The following KLRB1 variants were observed in gnomAD, a reference collection of about 807,000 sequenced individuals.
KLRB1 encodes killer cell lectin-like receptor subfamily B member 1.
Under a neutral mutation model 33.5 loss-of-function variants are expected in KLRB1, and 27 were observed. That is an observed-to-expected ratio of 0.81 (90% CI 0.59 to 1.11). The LOEUF (loss-of-function observed/expected upper bound fraction) is 1.11, where lower values mean the gene tolerates loss of function less well. KLRB1 is among the 50% of genes most tolerant of loss of function. KLRB1 has a pLI of 0.00. For missense variants in KLRB1, 241 were observed against 254.1 expected, an observed-to-expected ratio of 0.95 and a Z score of 0.35; for synonymous variants, 64 against 88.9, an observed-to-expected ratio of 0.72 and a Z score of 1.58.
rs746355257 is a variant in KLRB1 at position 9,599,701 on chromosome 12, A to G, written c.259+66T>C. ...ATATGGATTGTTATGAATTGTGCCT[A>G]AGGTAACACATGAAATCTACCAAAT... On this transcript the variant is annotated intron_variant, in intron 3 of 5. Coordinates refer to ENST00000229402, the MANE Select transcript of KLRB1 (RefSeq NM_002258.3). 1.9e-5 allele frequency: 18 copies of G among 953,742 alleles called. No homozygotes were observed. In the East Asian group the frequency reaches 4.3e-4, roughly 23 times the overall value. 59.1% of individuals were successfully genotyped at this position (953,742 alleles called of 1,614,324 possible).
intron 1 of KLRB1, among the ~76,000 whole-genome samples, chr12:9,603,792 T>G (rs971453482): frequency 5.3e-5 from 8 of 152,076 alleles, no homozygotes; most frequent in African/African-American, 1.9e-4. Flanking sequence ...TAACATTGAT[T>G]AAGAACAGTC....
At chr12:9,607,682 A>G in intron 1 of KLRB1, 73 bp downstream of exon 1, 1 of 997,618 alleles carries the variant, frequency 1.0e-6, no homozygotes, top group Non-Finnish European at 1.6e-6. Flanking sequence ...AATGATTTAA[A>G]GCCATAAATG....
At position 9,607,374 on chromosome 12, in the gene KLRB1, T is replaced by TCTC. The variant is rs1864628366; in HGVS notation, c.85+380_85+381insGAG. On this transcript the variant is annotated intron_variant, in intron 1 of 5. Transcript: ENST00000229402. Reference sequence around the variant, plus strand: ...TTTCTTCCTTTCTTTCTTTCTTTCTTTCTTTCTTTCTTTCTTTCTTTCTTT... The same window carrying TCTC: ...TTTCTTCCTTTCTTTCTTTCTTTCTTCTCTCTTTCTTTCTTTCTTTCTTTCTTT... Among the ~76,000 whole-genome samples, 78 of 94,238 alleles carry TCTC rather than the reference T, an allele frequency of 8.3e-4. 1 individual carries two copies. The highest frequency in any genetic ancestry group is 1.5e-3 in the Non-Finnish European group (65 of 43,332). The allele number at this position is 94,238 out of a possible 152,430, so 61.8% of individuals were successfully genotyped here.
rs916146792 is a variant in KLRB1, at chr12:9,601,391, C to T, written c.184+110G>A. On this transcript the variant is annotated intron_variant, in intron 2 of 5. Transcript: ENST00000229402. ...TTTCCAAATCTCTCGTCCCACCTTACGAGAAACACCCACAGGTGTGTAGGG... is the reference window on the plus strand; with the variant it reads ...TTTCCAAATCTCTCGTCCCACCTTATGAGAAACACCCACAGGTGTGTAGGG... 2.6e-5 allele frequency: 18 copies of T among 695,220 alleles called. 1 individual carries two copies. The highest frequency in any genetic ancestry group is 2.0e-4 in the South Asian group (12 of 59,848). 43.1% of individuals were successfully genotyped at this position (695,220 alleles called of 1,614,324 possible). A position where few individuals can be genotyped will look rare whatever the true frequency, so the allele number is the denominator to read the frequency against.
rs370643634 is a variant in KLRB1, at chr12:9,607,229, ATCCT to A, written c.85+522_85+525del. ...AAAATATTTTTCCTTCCTTCCTTCCATCCTTCCTTCCTTCCTCCTTCTCTTTTTC... is the reference window on the plus strand; with the variant it reads ...AAAATATTTTTCCTTCCTTCCTTCCATCCTTCCTTCCTCCTTCTCTTTTTC... On this transcript the variant is annotated intron_variant, in intron 1 of 5. Coordinates refer to ENST00000229402, the MANE Select transcript of KLRB1 (RefSeq NM_002258.3). Among the ~76,000 whole-genome samples, 71 of 110,436 alleles carry A rather than the reference ATCCT, an allele frequency of 6.4e-4. 1 individual carries two copies. Among genetic ancestry groups the A allele is most frequent in the African/African-American group, 1.9e-3 (58 of 30,422 alleles). The allele number at this position is 110,436 out of a possible 152,430, so 72.5% of individuals were successfully genotyped here.
rs950903556 is a variant in KLRB1, at chr12:9,595,380, G to A, written c.572C>T (p.Ser191Phe). 6.2e-7 allele frequency: 1 copy of A among 1,613,146 alleles called. No individual in the cohort carries two copies. The highest frequency in any genetic ancestry group is 8.5e-7 in the Non-Finnish European group (1 of 1,179,448). Residue 191 changes from serine to phenylalanine, a missense_variant, in exon 6 of 6, where the codon TCC becomes TTC. By Grantham distance (155) the Ser-to-Phe change is radical. Transcript: ENST00000229402. The stretch of plus-strand genomic sequence containing the variant: ...AGAATACACAGATGTCTGTGAGATG[G>A]AAATACAGCTGTTTTCTTTAGCATC... ...RGDAKENSCI[S>F]ISQTSVYSEY...
intron 1 of KLRB1, 115 bp downstream of exon 1, chr12:9,607,640 A>G (rs1344187703): frequency 6.9e-6 from 5 of 722,562 alleles, no homozygotes; most frequent in Admixed American, 5.0e-5. Context: ...CCCGTTAAAC[A>G]TTAATATAAA....
intron 1 of KLRB1, among the ~76,000 whole-genome samples, chr12:9,604,594 G>T (rs991708131): frequency 2.6e-5 from 4 of 152,130 alleles, no homozygotes; most frequent in Admixed American, 6.6e-5. Context: ...GTTTGCACTT[G>T]TTGGTCACCT....
chr12:9,603,557 TG>T (rs1864567204), intron 1 of KLRB1, among the ~76,000 whole-genome samples: 2 of 151,732 alleles, frequency 1.3e-5, no homozygotes. Context: ...CCCGAGTAGC[TG>T]GGATTACAGG....
intron 5 of KLRB1, among the ~76,000 whole-genome samples, chr12:9,595,967 C>G (rs938626901): frequency 6.6e-6 from 1 of 152,182 alleles, no homozygotes; most frequent in Non-Finnish European, 1.5e-5. Context: ...AGGTTCCTTT[C>G]ATTCTCATTC....
rs1864483773 is a variant in KLRB1 at position 9,595,421 on chromosome 12, G to A, written c.531C>T (p.Asp177=). The A allele has an allele frequency of 1.9e-6, 3 of 1,611,556 alleles. No individual in the cohort carries two copies. Among genetic ancestry groups the A allele is most frequent in the South Asian group, 2.2e-5 (2 of 91,036 alleles). ...CTTTAGCATCACCTCTAATTTCTAA[G>A]CTGTGGAGCAAAAGAAAAGTCTGTC... ...WINGSFLNSN[D]LEIRGDAKEN... Residue 177 remains aspartate, a splice_region_variant and synonymous_variant, in exon 6 of 6, where the codon GAC becomes GAT. Coordinates refer to ENST00000229402, the MANE Select transcript of KLRB1 (RefSeq NM_002258.3).
In KLRB1 at chr12:9,595,016, C is replaced by T. The variant is rs984823949; in HGVS notation, c.*258G>A. ...TATACCAATCTGGCATATTCGGGGA[C>T]ATCCTTCACTCCTTCACCATAGAAT... On this transcript the variant is annotated 3_prime_UTR_variant, in exon 6 of 6. Transcript: ENST00000229402. 2.4e-6 allele frequency: 1 copy of T among 408,972 alleles called. No individual in the cohort carries two copies. The highest frequency in any genetic ancestry group is 2.0e-5 in the African/African-American group (1 of 49,326). The allele number at this position is 408,972 out of a possible 1,614,324, so 25.3% of individuals were successfully genotyped here. A position where few individuals can be genotyped will look rare whatever the true frequency, so the allele number is the denominator to read the frequency against.
Position 9,607,335 on chromosome 12 carries a change from C to CTTTCTTTCTTTCTTTCTTTCTTTCTTT in KLRB1, c.85+419_85+420insAAAGAAAGAAAGAAAGAAAGAAAGAAA, listed in dbSNP as rs1491505010. Among the ~76,000 whole-genome samples the CTTTCTTTCTTTCTTTCTTTCTTTCTTT allele has an allele frequency of 6.3e-4, 41 of 65,264 alleles. 3 individuals are homozygous for CTTTCTTTCTTTCTTTCTTTCTTTCTTT. Among genetic ancestry groups the CTTTCTTTCTTTCTTTCTTTCTTTCTTT allele is most frequent in the African/African-American group, 1.7e-3 (40 of 23,988 alleles). 42.8% of individuals were successfully genotyped at this position (65,264 alleles called of 152,430 possible). A position where few individuals can be genotyped will look rare whatever the true frequency, so the allele number is the denominator to read the frequency against. On this transcript the variant is annotated intron_variant, in intron 1 of 5. Coordinates refer to ENST00000229402, the MANE Select transcript of KLRB1 (RefSeq NM_002258.3). ...TTTCTTCTTTTCTTTCTCTTTCTTT[C>CTTTCTTTCTTTCTTTCTTTCTTTCTTT]CTTTCTTTCTTTCTTTCTTCCTTTC...
intron 5 of KLRB1, among the ~76,000 whole-genome samples, chr12:9,596,232 G>A (rs749148638): frequency 5.3e-4 from 81 of 152,184 alleles, no homozygotes; most frequent in African/African-American, 1.8e-3. Context: ...TAGCCTCTTG[G>A]GGCTGCTTGT....
In KLRB1 at chr12:9,594,573, A is replaced by G. The variant is rs1488567607; in HGVS notation, c.*701T>C. On this transcript the variant is annotated 3_prime_UTR_variant, in exon 6 of 6. Transcript: ENST00000229402. ...AGATGAACAAAATAAAAGTATACAC[A>G]TTTTATTCGTTTTGCATGTACATGA... 1 of 152,164 alleles carries G rather than the reference A, an allele frequency of 6.6e-6. No homozygotes were observed. Among genetic ancestry groups the G allele is most frequent in the African/African-American group, 2.4e-5 (1 of 41,430 alleles). The allele number at this position is 152,164 out of a possible 1,614,324, so 9.4% of individuals were successfully genotyped here.
chr12:9,601,167 T>C (rs1157668791), intron 2 of KLRB1, among the ~76,000 whole-genome samples: 1 of 148,252 alleles, frequency 6.7e-6, no homozygotes, highest in Non-Finnish European at 1.5e-5. Flanking sequence ...TGCAAAGACC[T>C]TTGTTCACGT....
chr12:9,599,925 A>G (rs917807837), intron 2 of KLRB1, 84 bp from the exon 3 acceptor site: 6 of 786,900 alleles, frequency 7.6e-6, no homozygotes, highest in African/African-American at 5.2e-5. Context: ...TTAGGAAACT[A>G]GATAATCTCA....
intron 2 of KLRB1, 119 bp downstream of exon 2, chr12:9,601,382 C>T (rs1864539497): frequency 1.5e-6 from 1 of 649,378 alleles, no homozygotes; most frequent in Non-Finnish European, 2.8e-6. Context: ...AATCTCTCGT[C>T]CCACCTTACG....
Position 9,598,579 on chromosome 12 carries a change from C to T in KLRB1, c.334G>A (p.Val112Ile). ...REKCLLFSHT[V>I]NPWNNSLADC... ...GCTAGACTGTTATTCCAAGGGTTGA[C>T]AGTGTGAGAAAATAACAAGCATTTC... is the stretch of plus-strand genomic sequence containing the variant. Residue 112 changes from valine (V) to isoleucine (I), a missense_variant, in exon 4 of 6, where the codon GTC becomes ATC. By Grantham distance (29) the Val-to-Ile change is conservative (BLOSUM62 3). Coordinates refer to ENST00000229402, the MANE Select transcript of KLRB1 (RefSeq NM_002258.3). The T allele has an allele frequency of 6.2e-7, 1 of 1,613,272 alleles. No individual in the cohort carries two copies. The highest frequency in any genetic ancestry group is 2.2e-5 in the East Asian group (1 of 44,846).
Sources: gnomAD v4.1 joint callset for allele counts (sites outside exome capture counted in the v4.1 genomes callset) on GRCh38, gnomAD v4.1.1 for gene constraint, MANE v1.5 for transcripts, NCBI Gene and HGNC (gene_info 2026-07-23, HGNC 2026-07-21) for gene names.